Variants in NLGN1 observed in about 807,000 individuals in gnomAD.
NLGN1 encodes the protein neuroligin 1, also known as neuroligin-1.
A neutral mutation model predicts 65.5 loss-of-function variants in NLGN1; 12 were observed. The observed-to-expected ratio is 0.18, with a 90% CI of 0.12 to 0.30. The LOEUF is 0.30. NLGN1 is among the 10% of genes least tolerant of loss of function. NLGN1 has a pLI of 1.00. For missense variants in NLGN1, 750 were observed against 1,007.1 expected, an observed-to-expected ratio of 0.74 and a Z score of 3.46; for synonymous variants, 350 against 359.5, an observed-to-expected ratio of 0.97 and a Z score of 0.30.
At chr3:173,560,160 T>C (rs908227453) in intron 2 of NLGN1, among the ~76,000 whole-genome samples, 3 of 152,028 alleles carry the variant, frequency 2.0e-5, no homozygotes, top group Admixed American at 2.0e-4. Context: ...CTCGATCTCC[T>C]GACCTCGTGA....
At chr3:174,142,822 A>C (rs931848520) in intron 4 of NLGN1, among the ~76,000 whole-genome samples, 6 of 152,220 alleles carry the variant, frequency 3.9e-5, no homozygotes, top group Non-Finnish European at 8.8e-5. Context: ...TTGCACTGCT[A>C]TAAAGAAATA....
intron 3 of NLGN1, among the ~76,000 whole-genome samples, chr3:173,747,755 G>C (rs1049712335): frequency 3.6e-5 from 5 of 140,562 alleles, no homozygotes; most frequent in African/African-American, 1.3e-4. Context: ...ATTGGACTAT[G>C]ATGTTAGAGT....
intron 4 of NLGN1, among the ~76,000 whole-genome samples, chr3:173,825,750 A>G (rs576944232): frequency 1.1e-4 from 16 of 152,204 alleles, no homozygotes; most frequent in African/African-American, 3.4e-4. Flanking sequence ...GATCTTTTAT[A>G]TCAGATCCTA....
chr3:173,633,076 G>T (rs1755985738), intron 3 of NLGN1, among the ~76,000 whole-genome samples: 2 of 152,036 alleles, frequency 1.3e-5, no homozygotes, highest in Non-Finnish European at 2.9e-5. Context: ...TGGGGGCCTA[G>T]ATCATAGAAT....
rs184032428 is a variant in NLGN1 at position 173,468,723 on chromosome 3, C to G, written c.-321+33645C>G. 6.0e-3 allele frequency among the ~76,000 whole-genome samples: 918 copies of G among 152,080 alleles called. 15 individuals carry two copies. Among genetic ancestry groups the G allele is most frequent in the African/African-American group, 0.021 (886 of 41,528 alleles). ...TGGAATAAAAGGAAACAAAGAGTTC[C>G]TGGGATATCAAGAAGGTTCTGTCCG... On this transcript the variant is annotated intron_variant, in intron 2 of 6. Coordinates refer to ENST00000457714, the Ensembl canonical transcript of NLGN1.
chr3:173,897,357 G>A (rs999765968), intron 4 of NLGN1, among the ~76,000 whole-genome samples: 1 of 152,118 alleles, frequency 6.6e-6, no homozygotes, highest in Non-Finnish European at 1.5e-5. Context: ...GTAAAATTTG[G>A]TATCTTCCCT....
At chr3:173,680,597 G>A (rs988537897) in intron 3 of NLGN1, among the ~76,000 whole-genome samples, 2 of 152,148 alleles carry the variant, frequency 1.3e-5, no homozygotes, top group Non-Finnish European at 2.9e-5. Flanking sequence ...TGGGTGTCAA[G>A]TAGCAAGATG....
chr3:174,261,239 T>G (rs376576190), intron 4 of NLGN1, among the ~76,000 whole-genome samples: 15 of 151,300 alleles, frequency 9.9e-5, no homozygotes, highest in South Asian at 2.1e-4. Flanking sequence ...TTGGTAGCTT[T>G]ATGGGGATGG....
At chr3:173,497,138 C>T (rs537202867) in intron 2 of NLGN1, among the ~76,000 whole-genome samples, 1 of 152,042 alleles carries the variant, frequency 6.6e-6, no homozygotes, top group African/African-American at 2.4e-5. Flanking sequence ...AATCCCAGCA[C>T]TTTGGGAGGC....
intron 3 of NLGN1, among the ~76,000 whole-genome samples, chr3:173,637,657 A>G (rs1374524863): frequency 6.6e-6 from 1 of 152,122 alleles, no homozygotes; most frequent in Admixed American, 6.6e-5. Flanking sequence ...AGGCATGTCT[A>G]TGTAGGACAG....
chr3:174,152,198 T>C (rs1724496219), intron 4 of NLGN1, among the ~76,000 whole-genome samples: 1 of 152,172 alleles, frequency 6.6e-6, no homozygotes, highest in South Asian at 2.1e-4. Context: ...TCTAGAATTA[T>C]CTCAAATGTA....
intron 2 of NLGN1, among the ~76,000 whole-genome samples, chr3:173,491,014 T>C (rs1356325073): frequency 1.3e-5 from 2 of 152,034 alleles, no homozygotes; most frequent in Admixed American, 6.5e-5. Flanking sequence ...TGGGGTTTTC[T>C]AGATATACAA....
chr3:173,929,580 A>G (rs573760545), intron 4 of NLGN1, among the ~76,000 whole-genome samples: 22 of 151,552 alleles, frequency 1.5e-4, no homozygotes, highest in Non-Finnish European at 2.7e-4. Flanking sequence ...CATTTCCAAA[A>G]AAAAAAAAAA....
intron 4 of NLGN1, 152 bp downstream of exon 4, chr3:173,807,984 T>G: frequency 1.5e-6 from 1 of 679,888 alleles, no homozygotes; most frequent in Non-Finnish European, 2.5e-6. Context: ...TTTCAATGAA[T>G]TCTATAGGTT....
intron 4 of NLGN1, among the ~76,000 whole-genome samples, chr3:174,025,910 TATAAG>T (rs1728741096): frequency 6.6e-6 from 1 of 152,160 alleles, no homozygotes; most frequent in African/African-American, 2.4e-5. Context: ...AGAAAATACT[TATAAG>T]AGAGAAAGGA....
chr3:173,908,723 C>T (rs1738951974), intron 4 of NLGN1, among the ~76,000 whole-genome samples: 1 of 151,940 alleles, frequency 6.6e-6, no homozygotes, highest in Non-Finnish European at 1.5e-5. Context: ...GTGGAAATTA[C>T]ATTAAAAAAT....
intron 3 of NLGN1, among the ~76,000 whole-genome samples, chr3:173,723,269 T>C (rs534766843): frequency 1.2e-4 from 18 of 152,352 alleles, no homozygotes; most frequent in African/African-American, 4.3e-4. Flanking sequence ...TTATCAAATT[T>C]AAAACATTTT....
chr3:173,963,936 G>A (rs915723727), intron 4 of NLGN1, among the ~76,000 whole-genome samples: 1 of 151,958 alleles, frequency 6.6e-6, no homozygotes, highest in Non-Finnish European at 1.5e-5. Flanking sequence ...AGATTAAGAG[G>A]TCGGTAGCTA....
intron 3 of NLGN1, among the ~76,000 whole-genome samples, chr3:173,741,609 C>G (rs1242930329): frequency 6.6e-6 from 1 of 152,132 alleles, no homozygotes; most frequent in Non-Finnish European, 1.5e-5. Flanking sequence ...TCTCCTGCCT[C>G]AGCCTTCCAA....
Sources: gnomAD v4.1 joint callset for allele counts (sites outside exome capture counted in the v4.1 genomes callset) on GRCh38, gnomAD v4.1.1 for gene constraint, MANE v1.5 for transcripts, NCBI Gene and HGNC (gene_info 2026-07-23, HGNC 2026-07-21) for gene names.